The following MYO3A variants were observed in gnomAD, a reference collection of about 807,000 sequenced individuals.
MYO3A encodes the protein myosin IIIA.
Under a neutral mutation model 192.7 loss-of-function variants are expected in MYO3A, and 180 were observed. The ratio of observed to expected loss-of-function variants is 0.93; its 90% CI spans 0.83 to 1.06. The LOEUF (loss-of-function observed/expected upper bound fraction) is 1.06, where lower values mean the gene tolerates loss of function less well. Ranked by LOEUF, MYO3A falls within the 50% of genes least tolerant of loss-of-function variation. The pLI, the probability that MYO3A is intolerant of heterozygous loss-of-function variation, is 0.00. For synonymous variants in MYO3A, 628 were observed against 645.3 expected (o/e 0.97, Z 0.41); for missense variants, 1,896 against 1,905.0 (o/e 1.00, Z 0.09).
chr10:26,050,118 A>G, intron 10 of MYO3A, among the ~76,000 whole-genome samples: 1 of 152,200 alleles, frequency 6.6e-6, no homozygotes, highest in Middle Eastern at 3.4e-3. Context: ...CATTACTTTT[A>G]TAATTAGATA....
chr10:26,173,895 G>A lies in MYO3A; in HGVS notation c.3631G>A (p.Val1211Ile). 1 of 1,613,904 alleles carries A rather than the reference G, an allele frequency of 6.2e-7. No homozygotes were observed. The highest frequency in any genetic ancestry group is 8.5e-7 in the Non-Finnish European group (1 of 1,180,006). The change falls in exon 30 of 35, where the codon GTA becomes ATA. Residue 1211 changes from valine (V) to isoleucine (I), a missense_variant. Coordinates refer to ENST00000642920, the MANE Select transcript of MYO3A (RefSeq NM_017433.5). ...KQEFYLVGPE[V>I]SPKQKSVKDL... ...AGAATTCTACCTTGTAGGGCCAGAA[G>A]TAAGCCCCAAACAGAAGTCTGTCAA...
intron 10 of MYO3A, among the ~76,000 whole-genome samples, chr10:26,047,643 C>T (rs990142549): frequency 2.0e-5 from 3 of 151,946 alleles, no homozygotes; most frequent in African/African-American, 7.2e-5. Flanking sequence ...GGCGTGGTGG[C>T]AGGCGCCTGT....
chr10:25,975,554 T>A (rs1838916908), intron 4 of MYO3A, among the ~76,000 whole-genome samples: 1 of 152,196 alleles, frequency 6.6e-6, no homozygotes, highest in African/African-American at 2.4e-5. Flanking sequence ...TCTATTGAGT[T>A]GTCTGAGATG....
chr10:26,147,711 A>T, intron 23 of MYO3A, 152 bp downstream of exon 23: 1 of 1,190,456 alleles, frequency 8.4e-7, no homozygotes, highest in East Asian at 2.6e-5. Flanking sequence ...GCCCCAGATC[A>T]TCTGAAGAAA....
intron 17 of MYO3A, among the ~76,000 whole-genome samples, chr10:26,108,049 A>G (rs1252461952): frequency 6.6e-6 from 1 of 152,094 alleles, no homozygotes; most frequent in Non-Finnish European, 1.5e-5. Context: ...ACACTTCCTT[A>G]TGTCCCATAG....
chr10:26,088,392 A>G lies in MYO3A; in HGVS notation c.1549A>G (p.Ile517Val). ...SEYLLEKSRV[I>V]HQAIGEKNFH... ...ATATCTCCTGGAAAAATCCCGAGTTATCCACCAAGCTATGTAAGTTTATTT... is the reference window on the plus strand; with the variant it reads ...ATATCTCCTGGAAAAATCCCGAGTTGTCCACCAAGCTATGTAAGTTTATTT... Residue 517 changes from isoleucine to valine, a missense_variant, in exon 15 of 35, where the codon ATC becomes GTC. Physicochemically the swap from Ile to Val is conservative, Grantham distance 29. Coordinates refer to ENST00000642920, the MANE Select transcript of MYO3A (RefSeq NM_017433.5). The G allele has an allele frequency of 1.2e-6, 2 of 1,613,486 alleles. No individual in the cohort carries two copies. Among genetic ancestry groups the G allele is most frequent in the Admixed American group, 3.3e-5 (2 of 60,022 alleles).
chr10:25,963,168 C>T (rs573655604), intron 4 of MYO3A, among the ~76,000 whole-genome samples: 1 of 152,144 alleles, frequency 6.6e-6, no homozygotes, highest in Non-Finnish European at 1.5e-5. Context: ...AGCAATTTTT[C>T]TCTTTGAAAT....
intron 10 of MYO3A, among the ~76,000 whole-genome samples, chr10:26,034,937 G>C (rs1200828712): frequency 6.6e-6 from 1 of 151,726 alleles, no homozygotes; most frequent in South Asian, 2.1e-4. Context: ...GTGTGTGTGT[G>C]TGTGTGTGCG....
At chr10:25,949,676 C>G (rs1388591755) in intron 2 of MYO3A, among the ~76,000 whole-genome samples, 2 of 151,980 alleles carry the variant, frequency 1.3e-5, no homozygotes, top group African/African-American at 2.4e-5. Flanking sequence ...GCCATTTACT[C>G]GATAATGTGC....
chr10:26,077,235 T>G (rs910906395), intron 14 of MYO3A, among the ~76,000 whole-genome samples: 5 of 136,628 alleles, frequency 3.7e-5, no homozygotes, highest in Admixed American at 2.2e-4. Context: ...TTCCTAAGGT[T>G]TTTTTTTTTT....
At chr10:26,091,265 C>T (rs899266837) in intron 15 of MYO3A, among the ~76,000 whole-genome samples, 6 of 152,082 alleles carry the variant, frequency 3.9e-5, no homozygotes, top group Admixed American at 2.0e-4. Context: ...TTGCCTCTGG[C>T]GATGTCATCC....
At chr10:26,187,003 C>T (rs929890510) in intron 31 of MYO3A, among the ~76,000 whole-genome samples, 1 of 152,082 alleles carries the variant, frequency 6.6e-6, no homozygotes, top group East Asian at 1.9e-4. Context: ...ATTTTATTTA[C>T]ATTTATCTTT....
chr10:26,201,362 C>G, intron 33 of MYO3A, 57 bp downstream of exon 33: 1 of 1,316,724 alleles, frequency 7.6e-7, no homozygotes, highest in Non-Finnish European at 1.1e-6. Context: ...AATAAAAATC[C>G]ATGTGTTCAA....
intron 20 of MYO3A, among the ~76,000 whole-genome samples, chr10:26,137,923 A>C (rs1839943694): frequency 6.6e-6 from 1 of 152,190 alleles, no homozygotes; most frequent in Admixed American, 6.5e-5. Flanking sequence ...TCTGTTGTTT[A>C]AGATGTTTAT....
At chr10:26,200,166 C>T (rs549050140) in intron 32 of MYO3A, among the ~76,000 whole-genome samples, 82 of 152,332 alleles carry the variant, frequency 5.4e-4, no homozygotes, top group Middle Eastern at 3.4e-3. Flanking sequence ...GCACTCACTT[C>T]CACCTCATCC....
chr10:26,017,365 T>C (rs1229678373), intron 7 of MYO3A, among the ~76,000 whole-genome samples: 2 of 152,154 alleles, frequency 1.3e-5, no homozygotes, highest in African/African-American at 2.4e-5. Flanking sequence ...TCATTACCTT[T>C]GGGAGGTTGC....
intron 6 of MYO3A, among the ~76,000 whole-genome samples, chr10:25,999,895 C>G (rs1840679085): frequency 6.6e-6 from 1 of 152,278 alleles, no homozygotes; most frequent in Admixed American, 6.5e-5. Flanking sequence ...AGACACAAAA[C>G]TTGTCTCTCT....
chr10:26,163,529 CAG>C (rs947884593), intron 26 of MYO3A, among the ~76,000 whole-genome samples: 5 of 152,070 alleles, frequency 3.3e-5, no homozygotes, highest in African/African-American at 4.8e-5. Context: ...AAATGGATTC[CAG>C]AGAGACTTTA....
In MYO3A at chr10:26,197,510, T is replaced by C. The variant is rs528857949; in HGVS notation, c.4546-3755T>C. On this transcript the variant is annotated intron_variant, in intron 32 of 34. Transcript: ENST00000642920. ...CTAAGGCAGCACCCAATCTCTCTTG[T>C]ATGTCCCTGGCCTGCTTCATTTTTC... is the stretch of plus-strand genomic sequence containing the variant. 8.5e-5 allele frequency among the ~76,000 whole-genome samples: 13 copies of C among 152,320 alleles called. No individual in the cohort carries two copies. The South Asian group carries it at 1.2e-3, about 15-fold the overall frequency.
Sources: allele counts gnomAD v4.1 joint callset (sites outside exome capture counted in the v4.1 genomes callset), GRCh38; gene constraint gnomAD v4.1.1; transcripts MANE v1.5; gene names NCBI Gene and HGNC (gene_info 2026-07-23, HGNC 2026-07-21).